SPTA1: variants seen among roughly 807,000 people sequenced by gnomAD.
SPTA1 encodes the protein spectrin alpha chain, erythrocytic 1.
A neutral mutation model predicts 324.7 loss-of-function variants in SPTA1; 177 were observed. The observed-to-expected ratio is 0.55, with a 90% CI of 0.48 to 0.62. SPTA1 has a LOEUF of 0.62. Ranked by LOEUF, SPTA1 falls within the 20% of genes least tolerant of loss-of-function variation. The pLI, the probability that SPTA1 is intolerant of heterozygous loss-of-function variation, is 0.00. For missense variants in SPTA1, 3,162 were observed against 2,883.6 expected (o/e 1.10, Z -2.21); for synonymous variants, 1,195 against 1,041.3 (o/e 1.15, Z -2.84).
intron 15 of SPTA1, 148 bp downstream of exon 15, chr1:158,667,710 A>C: frequency 1.2e-6 from 1 of 839,796 alleles, no homozygotes; most frequent in Non-Finnish European, 1.8e-6. Context: ...GATTTTTAAA[A>C]TTTTACCAAT....
In SPTA1 at chr1:158,644,405, A is replaced by T; in HGVS notation, c.4195-9T>A. 4.3e-6 allele frequency: 7 copies of T among 1,613,746 alleles called. No individual in the cohort carries two copies. Among genetic ancestry groups the T allele is most frequent in the Non-Finnish European group, 5.1e-6 (6 of 1,179,802 alleles). On this transcript the variant is annotated splice_polypyrimidine_tract_variant and intron_variant, in intron 29 of 51. Transcript: ENST00000643759. ...CAGTTCCCCTGGAACATCTATGAGG[A>T]ATCAAATGAGAGGGGTATGGTATAG...
chr1:158,615,365 T>C lies in SPTA1; in HGVS notation c.6639A>G (p.Leu2213=). 6.2e-7 allele frequency: 1 copy of C among 1,614,098 alleles called. No individual in the cohort carries two copies. The highest frequency in any genetic ancestry group is 8.5e-7 in the Non-Finnish European group (1 of 1,180,012). The change falls in exon 48 of 52, where the codon CTA becomes CTG. Residue 2213 remains leucine (L), a synonymous_variant. Coordinates refer to ENST00000643759, the MANE Select transcript of SPTA1 (RefSeq NM_003126.4). ...TGTCCCCCAGGTCCACAATCTTGGTTAGTTGACGCTTCATCGCCTGGATCT... is the reference window on the plus strand; with the variant it reads ...TGTCCCCCAGGTCCACAATCTTGGTCAGTTGACGCTTCATCGCCTGGATCT... ...QKEIQAMKRQ[L]TKIVDLGDNL... is the part of the protein sequence containing the mutation.
intron 42 of SPTA1, among the ~76,000 whole-genome samples, chr1:158,623,690 TC>T (rs1355861733): frequency 1.3e-5 from 2 of 152,196 alleles, no homozygotes; most frequent in African/African-American, 4.8e-5. Context: ...TCTTTAGGCC[TC>T]CCCAGCCATG....
intron 18 of SPTA1, among the ~76,000 whole-genome samples, chr1:158,659,604 T>A (rs1244878353): frequency 9.6e-5 from 3 of 31,106 alleles, no homozygotes; most frequent in Non-Finnish European, 1.4e-4. Flanking sequence ...TATTTTTTTT[T>A]TTTTTTTTTT....
intron 14 of SPTA1, among the ~76,000 whole-genome samples, chr1:158,668,681 G>T (rs1181113548): frequency 6.6e-6 from 1 of 152,132 alleles, no homozygotes; most frequent in Admixed American, 6.5e-5. Flanking sequence ...ATACAAGTGT[G>T]TACATAATAG....
At chr1:158,622,195 A>C (rs1003293940) in intron 43 of SPTA1, among the ~76,000 whole-genome samples, 12 of 152,154 alleles carry the variant, frequency 7.9e-5, no homozygotes, top group African/African-American at 2.7e-4. Flanking sequence ...TATGATCAAC[A>C]TCCAATGCCT....
intron 20 of SPTA1, among the ~76,000 whole-genome samples, chr1:158,654,997 G>A (rs974704430): frequency 2.6e-5 from 4 of 152,206 alleles, no homozygotes; most frequent in Middle Eastern, 3.4e-3. Context: ...TGTCAGAAAC[G>A]TATTAAATGC....
chr1:158,669,160 T>A (rs1203724085), intron 14 of SPTA1, among the ~76,000 whole-genome samples: 1 of 152,108 alleles, frequency 6.6e-6, no homozygotes, highest in African/African-American at 2.4e-5. Flanking sequence ...TGGCTAAGAA[T>A]CACCAGAAAT....
Position 158,642,481 on chromosome 1 carries a change from T to C in SPTA1, c.4667A>G (p.His1556Arg). 1.9e-6 allele frequency: 3 copies of C among 1,613,768 alleles called. No homozygotes were observed. The highest frequency in any genetic ancestry group is 1.1e-5 in the South Asian group (1 of 91,078). The change falls in exon 33 of 52, where the codon CAT becomes CGT. Residue 1556 changes from histidine (H) to arginine (R), a missense_variant. Physicochemically the swap from His to Arg is conservative, Grantham distance 29 (BLOSUM62 0). Coordinates refer to ENST00000643759, the MANE Select transcript of SPTA1 (RefSeq NM_003126.4). ...GGAGTTCCCCAGGTTGATGACGCCA[T>C]GCACCTGCTCAGATCGGCCATCGAC... ...HEVDGRSEQVHGVINLGNSLI... is the reference protein window; with the variant it reads ...HEVDGRSEQVRGVINLGNSLI...
chr1:158,677,633 A>G, intron 7 of SPTA1, 57 bp downstream of exon 7: 4 of 1,603,458 alleles, frequency 2.5e-6, no homozygotes, highest in Non-Finnish European at 3.4e-6. Flanking sequence ...AGGCAAGATA[A>G]TCAACAATTG....
At position 158,645,210 on chromosome 1, in the gene SPTA1, A is replaced by G. The variant is rs1651900794; in HGVS notation, c.4172T>C (p.Leu1391Pro). The G allele has an allele frequency of 6.2e-7, 1 of 1,613,914 alleles. No individual in the cohort carries two copies. ...EKAWEKRKKI[L>P]DQCLELQMFQ... ...TACCTGCAACTCCAGGCACTGGTCT[A>G]GGATCTTCTTGCGTTTTTCCCAAGC... Residue 1391 changes from leucine (L) to proline (P), a missense_variant, in exon 29 of 52, where the codon CTA (leucine) becomes CCA (proline). By Grantham distance (98) the Leu-to-Pro change is moderately conservative. Coordinates refer to ENST00000643759, the MANE Select transcript of SPTA1 (RefSeq NM_003126.4).
chr1:158,619,271 C>T lies in SPTA1; in HGVS notation c.6481G>A (p.Glu2161Lys), dbSNP rs925967719. ...RQVKNFEMCQEFEQNASTFLQ... is the reference protein window; with the variant it reads ...RQVKNFEMCQKFEQNASTFLQ... The stretch of plus-strand genomic sequence containing the variant: ...AAGGTACTGGCATTCTGTTCAAACT[C>T]CTGACACATCTCAAAGTTCTTGACC... Residue 2161 changes from glutamate to lysine, a missense_variant, in exon 45 of 52, where the codon GAG (glutamate) becomes AAG (lysine). Coordinates refer to ENST00000643759, the MANE Select transcript of SPTA1 (RefSeq NM_003126.4). 1.9e-6 allele frequency: 3 copies of T among 1,614,148 alleles called. No individual in the cohort carries two copies. The highest frequency in any genetic ancestry group is 2.5e-6 in the Non-Finnish European group (3 of 1,180,008).
chr1:158,669,657 C>G, intron 13 of SPTA1, 52 bp downstream of exon 13: 1 of 1,613,976 alleles, frequency 6.2e-7, no homozygotes. Flanking sequence ...CACCAAAACT[C>G]TTCTTGATTC....
In SPTA1 at chr1:158,649,902, G is replaced by C. The variant is rs1391361826; in HGVS notation, c.3523C>G (p.Gln1175Glu). Residue 1175 changes from glutamine to glutamate, a missense_variant, in exon 25 of 52, where the codon CAG becomes GAG. Transcript: ENST00000643759. The stretch of plus-strand genomic sequence containing the variant: ...TGGGCACTGCCCAGCAGCTGCCGCT[G>C]TTCATCTGCAAGCCTCTGCAAAGAA... ...WGSLQRLADE[Q>E]RQLLGSAHAV... is the part of the protein sequence containing the mutation. 1 of 1,613,842 alleles carries C rather than the reference G, an allele frequency of 6.2e-7. No homozygotes were observed. The highest frequency in any genetic ancestry group is 8.5e-7 in the Non-Finnish European group (1 of 1,179,872).
At chr1:158,617,714 T>C in intron 46 of SPTA1, 126 bp from the exon 47 acceptor site, 1 of 950,700 alleles carries the variant, frequency 1.1e-6, no homozygotes, top group Non-Finnish European at 1.7e-6. Flanking sequence ...GAAGCAAAAT[T>C]TCACAGAGCC....
At chr1:158,629,229 A>G (rs913356174) in intron 39 of SPTA1, among the ~76,000 whole-genome samples, 1 of 139,080 alleles carries the variant, frequency 7.2e-6, no homozygotes, top group East Asian at 2.2e-4. Flanking sequence ...ATCTATCTGA[A>G]TATAGAGGGC....
Position 158,657,550 on chromosome 1 carries a change from G to C in SPTA1, c.2732C>G (p.Ala911Gly), listed in dbSNP as rs1196026753. 2 of 1,592,628 alleles carry C rather than the reference G, an allele frequency of 1.3e-6. No homozygotes were observed. Among genetic ancestry groups the C allele is most frequent in the Non-Finnish European group, 1.7e-6 (2 of 1,166,778 alleles). The change falls in exon 19 of 52, where the codon GCA becomes GGA. Residue 911 changes from alanine to glycine, a missense_variant. By Grantham distance (60) the Ala-to-Gly change is moderately conservative. Transcript: ENST00000643759. ...TTCCTTCTCTCTGATCCATGTTTCT[G>C]CTTCATGCAGGTCAGCCAGGTACTG... ...FQQYLADLHE[A>G]ETWIREKEPI...
intron 51 of SPTA1, 177 bp downstream of exon 51, chr1:158,612,640 T>C: frequency 1.5e-6 from 1 of 674,196 alleles, no homozygotes; most frequent in Middle Eastern, 2.7e-4. Flanking sequence ...CAGTACGTTT[T>C]TGAGTTGGGT....
chr1:158,664,331 T>C (rs1653444859), intron 16 of SPTA1, among the ~76,000 whole-genome samples: 1 of 152,152 alleles, frequency 6.6e-6, no homozygotes, highest in Non-Finnish European at 1.5e-5. Flanking sequence ...ATATACAATA[T>C]AGAATACTAT....
Sources: allele counts gnomAD v4.1 joint callset (sites outside exome capture counted in the v4.1 genomes callset), GRCh38; gene constraint gnomAD v4.1.1; transcripts MANE v1.5; gene names NCBI Gene and HGNC (gene_info 2026-07-23, HGNC 2026-07-21).